The following MTMR8 variants were observed in gnomAD, a reference collection of about 807,000 sequenced individuals.
MTMR8 encodes myotubularin related protein 8, also known as phosphatidylinositol-3,5-bisphosphate 3-phosphatase MTMR8.
A neutral mutation model predicts 39.3 loss-of-function variants in MTMR8; 65 were observed. The observed-to-expected ratio is 1.65, with a 90% CI of 1.35 to 2.03. MTMR8 has a LOEUF of 2.03. Among genes scored for constraint, MTMR8 ranks in the 30% most tolerant of loss-of-function variants. The pLI is 0.00. For synonymous variants in MTMR8, 245 were observed against 185.2 expected, an observed-to-expected ratio of 1.32 and a Z score of -2.62; for missense variants, 777 against 538.9, an observed-to-expected ratio of 1.44 and a Z score of -4.37.
chrX:64,314,979 A>G (rs946159067), intron 12 of MTMR8, among the ~76,000 whole-genome samples: 10 of 111,513 alleles, frequency 9.0e-5, no homozygotes, highest in African/African-American at 3.3e-4. Context: ...GGCCTGAGTG[A>G]TGGACAAGAC....
In MTMR8 at chrX:64,354,796, T is replaced by A; in HGVS notation, c.449A>T (p.Asp150Val). The change falls in exon 4 of 14, where the codon GAT becomes GTT. Residue 150 changes from aspartate to valine, a missense_variant. Physicochemically the swap from Asp to Val is radical, Grantham distance 152. Coordinates refer to ENST00000374852, the MANE Select transcript of MTMR8 (RefSeq NM_017677.4). The part of the protein sequence containing the change: ...GIPNRNWTIT[D>V]ANRNYEICST... Reference sequence around the variant, plus strand: ...AATTACCTCATAGTTTCTGTTGGCATCTGTTATGGTCCAGTTTCTGTTGGG... The same window carrying A: ...AATTACCTCATAGTTTCTGTTGGCAACTGTTATGGTCCAGTTTCTGTTGGG... The A allele has an allele frequency of 2.5e-6, 3 of 1,191,282 alleles. No individual in the cohort carries two copies. Among genetic ancestry groups the A allele is most frequent in the South Asian group, 3.8e-5 (2 of 52,532 alleles).
At chrX:64,284,011 T>C (rs1235124877) in intron 12 of MTMR8, among the ~76,000 whole-genome samples, 1 of 111,374 alleles carries the variant, frequency 9.0e-6, no homozygotes, top group Non-Finnish European at 1.9e-5. Flanking sequence ...AGGCTTCAGA[T>C]GATCAAACTA....
intron 1 of MTMR8, among the ~76,000 whole-genome samples, chrX:64,360,147 A>G (rs1923741238): frequency 9.0e-6 from 1 of 110,771 alleles, no homozygotes; most frequent in African/African-American, 3.3e-5. Context: ...ACTGAAAATA[A>G]TAAGATATGC....
intron 9 of MTMR8, 54 bp from the exon 10 acceptor site, chrX:64,336,182 A>T: frequency 1.1e-6 from 1 of 877,452 alleles, no homozygotes; most frequent in South Asian, 2.4e-5. Context: ...AAAATGAATT[A>T]ACCATACACA....
At chrX:64,370,068 G>T in intron 1 of MTMR8, among the ~76,000 whole-genome samples, 1 of 110,977 alleles carries the variant, frequency 9.0e-6, no homozygotes, top group African/African-American at 3.3e-5. Context: ...AAAAAAATGG[G>T]CTAAGTAATT....
chrX:64,269,179 CACA>C, intron 13 of MTMR8, 136 bp from the exon 14 acceptor site: 2 of 581,880 alleles, frequency 3.4e-6, no homozygotes, highest in Admixed American at 3.8e-5. Context: ...CCCCCTCCCC[CACA>C]ACATCTTTCC....
At chrX:64,386,512 G>T (rs1924562867) in intron 1 of MTMR8, among the ~76,000 whole-genome samples, 1 of 111,291 alleles carries the variant, frequency 9.0e-6, no homozygotes, top group Admixed American at 9.6e-5. Context: ...GGATGAGAGG[G>T]GAAAAACAAC....
chrX:64,387,215 T>C (rs1924582950), intron 1 of MTMR8, among the ~76,000 whole-genome samples: 1 of 111,073 alleles, frequency 9.0e-6, no homozygotes, highest in South Asian at 3.8e-4. Context: ...GGATGAGTAG[T>C]AGGAATTGAA....
chrX:64,313,576 C>G lies in MTMR8; in HGVS notation c.1481+15196G>C, dbSNP rs370118045. Among the ~76,000 whole-genome samples the G allele has an allele frequency of 1.5e-3, 171 of 112,606 alleles. 3 individuals are homozygous for G. The South Asian group carries it at 0.06, about 40-fold the overall frequency. On this transcript the variant is annotated intron_variant, in intron 12 of 13. Transcript: ENST00000374852. The stretch of plus-strand genomic sequence containing the variant: ...AGCCCTAGCTTTTGTCCTTTCTCAG[C>G]TTTTGACGTGTCTTCCTTGCTAAGC...
intron 1 of MTMR8, among the ~76,000 whole-genome samples, chrX:64,385,761 G>A (rs1237826446): frequency 9.0e-6 from 1 of 111,064 alleles, no homozygotes; most frequent in Non-Finnish European, 1.9e-5. Flanking sequence ...CAGAAGGATG[G>A]TGCTAAACCA....
At chrX:64,322,120 T>C (rs888983657) in intron 12 of MTMR8, among the ~76,000 whole-genome samples, 1 of 108,929 alleles carries the variant, frequency 9.2e-6, no homozygotes, top group Non-Finnish European at 1.9e-5. Flanking sequence ...CATGCCTCAC[T>C]GCAACCTTGA....
At chrX:64,273,526 G>A (rs1218357632) in intron 12 of MTMR8, among the ~76,000 whole-genome samples, 1 of 109,494 alleles carries the variant, frequency 9.1e-6, no homozygotes, top group Non-Finnish European at 1.9e-5. Context: ...AAGAAAGCAA[G>A]AAATGAAAAG....
intron 1 of MTMR8, among the ~76,000 whole-genome samples, chrX:64,392,673 G>T (rs1405860245): frequency 9.0e-6 from 1 of 110,836 alleles, no homozygotes; most frequent in Non-Finnish European, 1.9e-5. Context: ...ATAGCACAAT[G>T]AATACTTCCA....
In MTMR8 at chrX:64,268,971, G is replaced by T; in HGVS notation, c.1681C>A (p.His561Asn). The change falls in exon 14 of 14, where the codon CAT becomes AAT. Residue 561 changes from histidine to asparagine, a missense_variant. His to Asn is a moderately conservative substitution (Grantham distance 68, BLOSUM62 1). Transcript: ENST00000374852. ...CSQLGNILSQ[H>N]LGSPLTNPLG... ...GGATTGGTCAAAGGACTTCCCAGAT[G>T]CTGGGATAATATGTTTCCTAATTGA... 1.7e-6 allele frequency: 2 copies of T among 1,210,316 alleles called. No individual in the cohort carries two copies. Among genetic ancestry groups the T allele is most frequent in the Non-Finnish European group, 2.2e-6 (2 of 894,114 alleles).
intron 12 of MTMR8, among the ~76,000 whole-genome samples, chrX:64,287,831 A>G (rs889407088): frequency 3.8e-5 from 4 of 105,866 alleles, no homozygotes; most frequent in African/African-American, 1.4e-4. Flanking sequence ...TGGATTAAAG[A>G]CTTACATGTT....
At chrX:64,364,814 G>T (rs1459245708) in intron 1 of MTMR8, among the ~76,000 whole-genome samples, 3 of 111,626 alleles carry the variant, frequency 2.7e-5, no homozygotes, top group Non-Finnish European at 3.8e-5. Flanking sequence ...AAACTTCTAC[G>T]AGCTAAAGAA....
At chrX:64,379,524 A>G (rs1330284331) in intron 1 of MTMR8, among the ~76,000 whole-genome samples, 1 of 111,502 alleles carries the variant, frequency 9.0e-6, no homozygotes, top group Non-Finnish European at 1.9e-5. Flanking sequence ...TCCTTCTCAA[A>G]GATGTGAGGG....
rs368419533 is a variant in MTMR8 at position 64,362,649 on chromosome X, T to C, written c.25-3122A>G. Reference sequence around the variant, plus strand: ...GTGTTGGGGAAACAGTATTAGTACATGCAGTAAGCTAAGGCCATATCCTTA... The same window carrying C: ...GTGTTGGGGAAACAGTATTAGTACACGCAGTAAGCTAAGGCCATATCCTTA... On this transcript the variant is annotated intron_variant, in intron 1 of 13. Transcript: ENST00000374852. Among the ~76,000 whole-genome samples, 42 of 109,954 alleles carry C rather than the reference T, an allele frequency of 3.8e-4. No homozygotes were observed. The East Asian group carries it at 8.5e-3, about 22-fold the overall frequency.
At chrX:64,336,817 C>CA (rs778509404) in intron 9 of MTMR8, among the ~76,000 whole-genome samples, 32 of 110,629 alleles carry the variant, frequency 2.9e-4, no homozygotes, top group African/African-American at 7.2e-4. Flanking sequence ...CAAAACAAAA[C>CA]AAAAAAAAGC....
Sources: gnomAD v4.1 joint callset for allele counts (sites outside exome capture counted in the v4.1 genomes callset) on GRCh38, gnomAD v4.1.1 for gene constraint, MANE v1.5 for transcripts, NCBI Gene and HGNC (gene_info 2026-07-23, HGNC 2026-07-21) for gene names.